The following PRKN variants were observed in gnomAD, a reference collection of about 807,000 sequenced individuals.
PRKN encodes E3 ubiquitin-protein ligase parkin.
A neutral mutation model predicts 59.5 loss-of-function variants in PRKN; 56 were observed. That is an observed-to-expected ratio of 0.94 (90% CI 0.76 to 1.18). The LOEUF (loss-of-function observed/expected upper bound fraction) is 1.18. Among genes scored for constraint, PRKN ranks in the 50% most tolerant of loss-of-function variants. PRKN has a pLI of 0.00. For synonymous variants in PRKN, 250 were observed against 222.1 expected (o/e 1.13, Z -1.12); for missense variants, 657 against 596.4 (o/e 1.10, Z -1.06).
chr6:162,230,655 C>T (rs182106215), intron 3 of PRKN, among the ~76,000 whole-genome samples: 6 of 152,298 alleles, frequency 3.9e-5, no homozygotes, highest in Admixed American at 3.9e-4. Context: ...ATCTACACAA[C>T]TGTGAACAAT....
chr6:161,383,027 A>G (rs1267310960), intron 10 of PRKN, among the ~76,000 whole-genome samples: 1 of 152,228 alleles, frequency 6.6e-6, no homozygotes, highest in Non-Finnish European at 1.5e-5. Context: ...GAGGGTATTT[A>G]GTTATTATTA....
chr6:161,805,479 C>T (rs1367742241), intron 6 of PRKN, among the ~76,000 whole-genome samples: 1 of 4,472 alleles, frequency 2.2e-4, no homozygotes, highest in African/African-American at 2.5e-4. Context: ...CACACACACA[C>T]ATGCATGTAC....
chr6:161,905,434 T>C (rs1778104798), intron 6 of PRKN, among the ~76,000 whole-genome samples: 1 of 152,164 alleles, frequency 6.6e-6, no homozygotes, highest in Admixed American at 6.5e-5. Flanking sequence ...GTGTAGACTT[T>C]TGCTTTTCCT....
At chr6:162,638,110 T>C (rs1370032424) in intron 1 of PRKN, among the ~76,000 whole-genome samples, 1 of 151,320 alleles carries the variant, frequency 6.6e-6, no homozygotes, top group Non-Finnish European at 1.5e-5. Context: ...CTTTTCAGCA[T>C]GCAATTTGTT....
intron 7 of PRKN, among the ~76,000 whole-genome samples, chr6:161,699,966 T>C (rs1386543880): frequency 6.6e-6 from 1 of 152,170 alleles, no homozygotes; most frequent in Non-Finnish European, 1.5e-5. Context: ...TGTTGGACAC[T>C]ATTAGTGGCC....
chr6:162,359,079 A>ATATATAT (rs1554304694), intron 2 of PRKN, among the ~76,000 whole-genome samples: 7 of 83,242 alleles, frequency 8.4e-5, no homozygotes, highest in South Asian at 3.6e-4. Context: ...AAAAAAAAAA[A>ATATATAT]ATATATATAT....
chr6:162,241,630 T>C (rs1457658084), intron 3 of PRKN, among the ~76,000 whole-genome samples: 1 of 152,180 alleles, frequency 6.6e-6, no homozygotes, highest in East Asian at 1.9e-4. Context: ...AAATGAAAGC[T>C]ACTTTATTCA....
chr6:161,626,894 C>G (rs1388254347), intron 7 of PRKN, among the ~76,000 whole-genome samples: 4 of 152,066 alleles, frequency 2.6e-5, no homozygotes, highest in Admixed American at 2.0e-4. Flanking sequence ...CCAGAGCAGT[C>G]CTGCTCGCAG....
chr6:161,378,814 G>A lies in PRKN; in HGVS notation c.1167+7980C>T, dbSNP rs1785842864. On this transcript the variant is annotated intron_variant, in intron 10 of 11. Coordinates refer to ENST00000366898, the MANE Select transcript of PRKN (RefSeq NM_004562.3). This position sits in a 1 kb window ranked among gnomAD's most constrained non-coding sequence, Gnocchi z 7.3. ...ATCAACAACTACCATGGTGCAGGGTGTGTCTCCAGCAGGTAGAACGCAATG... is the reference window on the plus strand; with the variant it reads ...ATCAACAACTACCATGGTGCAGGGTATGTCTCCAGCAGGTAGAACGCAATG... Among the ~76,000 whole-genome samples, 1 of 152,220 alleles carries A rather than the reference G, an allele frequency of 6.6e-6. No homozygotes were observed. Among genetic ancestry groups the A allele is most frequent in the Non-Finnish European group, 1.5e-5 (1 of 68,040 alleles).
intron 6 of PRKN, among the ~76,000 whole-genome samples, chr6:161,878,954 C>T (rs573150937): frequency 7.2e-4 from 109 of 152,330 alleles, no homozygotes; most frequent in Middle Eastern, 3.4e-3. Flanking sequence ...TACACTTCTA[C>T]AGTCAGTCTT....
intron 2 of PRKN, among the ~76,000 whole-genome samples, chr6:162,363,260 T>G (rs1052531738): frequency 1.3e-5 from 2 of 152,108 alleles, no homozygotes; most frequent in African/African-American, 4.8e-5. Flanking sequence ...CAGAGGCAAT[T>G]CAAAGTACAT....
At position 161,654,775 on chromosome 6, in the gene PRKN, T is replaced by C. The variant is rs200353148; in HGVS notation, c.872-85359A>G. On this transcript the variant is annotated intron_variant, in intron 7 of 11. Coordinates refer to ENST00000366898, the MANE Select transcript of PRKN (RefSeq NM_004562.3). Reference sequence around the variant, plus strand: ...CACCTGTCTCCCACGGAGGCATGGCTTCCCATGGAGAGAAGGAGGCCAGCA... The same window carrying C: ...CACCTGTCTCCCACGGAGGCATGGCCTCCCATGGAGAGAAGGAGGCCAGCA... Among the ~76,000 whole-genome samples the C allele has an allele frequency of 3.2e-4, 49 of 152,292 alleles. 1 individual carries two copies. In the East Asian group the frequency reaches 8.9e-3, roughly 28 times the overall value.
chr6:162,703,675 G>A (rs955820175), intron 1 of PRKN, among the ~76,000 whole-genome samples: 1 of 152,190 alleles, frequency 6.6e-6, no homozygotes, highest in Non-Finnish European at 1.5e-5. Flanking sequence ...AGATGAGGAA[G>A]GCTGTGCACA....
Position 161,615,152 on chromosome 6 carries a change from C to T in PRKN, c.872-45736G>A, listed in dbSNP as rs1438934221. Among the ~76,000 whole-genome samples the T allele has an allele frequency of 2.6e-5, 4 of 152,146 alleles. No homozygotes were observed. In the South Asian group the frequency reaches 6.2e-4, roughly 24 times the overall value. On this transcript the variant is annotated intron_variant, in intron 7 of 11. Coordinates refer to ENST00000366898, the MANE Select transcript of PRKN (RefSeq NM_004562.3). ...CTGTAATTTCTTTTGCACCAACCTA[C>T]ACATTTTTCTTTTAATGAGATGATA...
chr6:161,793,989 T>C (rs1245465694), intron 6 of PRKN, among the ~76,000 whole-genome samples: 1 of 152,164 alleles, frequency 6.6e-6, no homozygotes, highest in Non-Finnish European at 1.5e-5. Flanking sequence ...GTTTCCAAGT[T>C]TGACTCTGCT....
Position 162,160,645 on chromosome 6 carries a change from ATG to A in PRKN, c.534+40484_534+40485del, listed in dbSNP as rs1782710862. Among the ~76,000 whole-genome samples, 6 of 152,186 alleles carry A rather than the reference ATG, an allele frequency of 3.9e-5. 1 individual carries two copies. In the South Asian group the frequency reaches 1.2e-3, roughly 32 times the overall value. Reference sequence around the variant, plus strand: ...AATTTTCAGAAAAGGAAACGTCTGCATGTGTGAGAGAGAAAAAAAGACCACAT... The same window carrying A: ...AATTTTCAGAAAAGGAAACGTCTGCATGTGAGAGAGAAAAAAAGACCACAT... On this transcript the variant is annotated intron_variant, in intron 4 of 11. Coordinates refer to ENST00000366898, the MANE Select transcript of PRKN (RefSeq NM_004562.3).
chr6:162,415,730 T>TC (rs1287315794), intron 2 of PRKN, among the ~76,000 whole-genome samples: 65 of 152,196 alleles, frequency 4.3e-4, no homozygotes, highest in African/African-American at 1.5e-3. Context: ...GGCAAGGGAA[T>TC]CGCTTGAACC....
At chr6:162,386,261 A>G (rs2128142598) in intron 2 of PRKN, among the ~76,000 whole-genome samples, 1 of 152,342 alleles carries the variant, frequency 6.6e-6, no homozygotes, top group South Asian at 2.1e-4. Context: ...AATTTGCTAA[A>G]TTTAACCGTG....
At chr6:162,040,775 G>A (rs1330127370) in intron 5 of PRKN, among the ~76,000 whole-genome samples, 2 of 151,894 alleles carry the variant, frequency 1.3e-5, no homozygotes, top group African/African-American at 4.8e-5. Context: ...AAAGAACCAC[G>A]CAAGGATGAA....
Sources: gnomAD v4.1 joint callset for allele counts (sites outside exome capture counted in the v4.1 genomes callset) on GRCh38, gnomAD v4.1.1 for gene constraint, Gnocchi (gnomAD v3.1) non-coding constraint, MANE v1.5 for transcripts, NCBI Gene and HGNC (gene_info 2026-07-23, HGNC 2026-07-21) for gene names.